UBE2G1: variants seen among roughly 807,000 people sequenced by gnomAD.
UBE2G1 encodes ubiquitin-conjugating enzyme E2 G1.
UBE2G1 carries 5 observed loss-of-function variants against 22.7 expected under a neutral mutation model. The observed-to-expected ratio is 0.22, with a 90% CI of 0.12 to 0.46. The LOEUF (loss-of-function observed/expected upper bound fraction) is 0.46. Ranked by LOEUF, UBE2G1 falls within the 20% of genes least tolerant of loss-of-function variation. The probability of loss-of-function intolerance (pLI) is 0.99; values close to 1 mark genes in which losing one functional copy is unlikely to be tolerated. For synonymous variants in UBE2G1, 74 were observed against 67.5 expected, an observed-to-expected ratio of 1.10 and a Z score of -0.47; for missense variants, 88 against 203.9, an observed-to-expected ratio of 0.43 and a Z score of 3.46.
chr17:4,323,472 AG>A (rs1969467597), intron 1 of UBE2G1, among the ~76,000 whole-genome samples: 1 of 152,262 alleles, frequency 6.6e-6, no homozygotes. Flanking sequence ...TGAATTAATC[AG>A]ATAAGAAACT....
chr17:4,297,119 C>T (rs771303944), intron 2 of UBE2G1, among the ~76,000 whole-genome samples: 7 of 152,184 alleles, frequency 4.6e-5, no homozygotes, highest in African/African-American at 1.7e-4. Context: ...CTTCCCAGTG[C>T]ACTTAAAACA....
chr17:4,307,142 T>C lies in UBE2G1; in HGVS notation c.47-19A>G, dbSNP rs764745148. ...TTGAGTTCTGTGGAAAAAGAAAAGT[T>C]TAATCAATACATTTAAGCACATAAT... On this transcript the variant is annotated intron_variant, in intron 1 of 5. Transcript: ENST00000396981. 1.9e-6 allele frequency: 3 copies of C among 1,597,384 alleles called. No individual in the cohort carries two copies. The South Asian group carries it at 3.3e-5, about 18-fold the overall frequency.
chr17:4,363,246 G>A (rs904847414), intron 1 of UBE2G1, among the ~76,000 whole-genome samples: 1 of 151,912 alleles, frequency 6.6e-6, no homozygotes, highest in African/African-American at 2.4e-5. Context: ...TACATTTTGA[G>A]CATGTTAATT....
At chr17:4,276,428 G>A (rs1465301098) in intron 5 of UBE2G1, among the ~76,000 whole-genome samples, 1 of 152,088 alleles carries the variant, frequency 6.6e-6, no homozygotes, top group East Asian at 1.9e-4. Context: ...CAAAGTGCTG[G>A]GATTACAGGC....
chr17:4,294,866 G>T (rs182931989), intron 3 of UBE2G1, among the ~76,000 whole-genome samples: 1 of 152,206 alleles, frequency 6.6e-6, no homozygotes, highest in African/African-American at 2.4e-5. Flanking sequence ...TCATGCCATT[G>T]CACTGCAGCC....
At chr17:4,291,219 C>T (rs1247097541) in intron 3 of UBE2G1, among the ~76,000 whole-genome samples, 1 of 152,014 alleles carries the variant, frequency 6.6e-6, no homozygotes, top group African/African-American at 2.4e-5. Context: ...AATTAGCTGG[C>T]TGTTGTGGCA....
At chr17:4,291,425 CAT>C (rs1969040031) in intron 3 of UBE2G1, among the ~76,000 whole-genome samples, 1 of 149,282 alleles carries the variant, frequency 6.7e-6, no homozygotes, top group African/African-American at 2.5e-5. Flanking sequence ...ATAAAAATTT[CAT>C]AGAGTATTAC....
intron 5 of UBE2G1, among the ~76,000 whole-genome samples, chr17:4,280,724 G>A (rs1049462305): frequency 2.0e-5 from 3 of 146,742 alleles, no homozygotes; most frequent in East Asian, 2.0e-4. Context: ...CGCAACCTCC[G>A]CCTCCCGGGT....
intron 1 of UBE2G1, among the ~76,000 whole-genome samples, chr17:4,317,735 G>A (rs1035441575): frequency 9.2e-5 from 14 of 152,156 alleles, no homozygotes; most frequent in Non-Finnish European, 1.9e-4. Flanking sequence ...ATTTCACCCT[G>A]CTTATCACAG....
At chr17:4,306,970 C>A in intron 2 of UBE2G1, 51 bp downstream of exon 2, 1 of 1,532,772 alleles carries the variant, frequency 6.5e-7, no homozygotes, top group South Asian at 1.1e-5. Context: ...GTTTTTAATT[C>A]AGTGTATTAA....
chr17:4,363,860 G>C (rs1224079820), intron 1 of UBE2G1, among the ~76,000 whole-genome samples: 1 of 149,854 alleles, frequency 6.7e-6, no homozygotes, highest in Non-Finnish European at 1.5e-5. Flanking sequence ...GCTCAGGCAG[G>C]GGAATGGCGT....
At chr17:4,330,155 A>C (rs1391909190) in intron 1 of UBE2G1, among the ~76,000 whole-genome samples, 1 of 152,152 alleles carries the variant, frequency 6.6e-6, no homozygotes, top group Non-Finnish European at 1.5e-5. Context: ...CATTCATGGA[A>C]GTGTCTAACA....
chr17:4,347,184 G>C (rs1200865932), intron 1 of UBE2G1, among the ~76,000 whole-genome samples: 1 of 151,994 alleles, frequency 6.6e-6, no homozygotes, highest in African/African-American at 2.4e-5. Flanking sequence ...CACAGGTTGA[G>C]TATCCCTTAT....
intron 3 of UBE2G1, among the ~76,000 whole-genome samples, chr17:4,295,807 G>A (rs1330429868): frequency 6.7e-6 from 1 of 150,128 alleles, no homozygotes; most frequent in Non-Finnish European, 1.5e-5. Flanking sequence ...AGTTATTGGG[G>A]GCTTATATAC....
intron 1 of UBE2G1, among the ~76,000 whole-genome samples, chr17:4,364,670 C>CAAGCA (rs1970012176): frequency 1.3e-5 from 2 of 151,674 alleles, no homozygotes; most frequent in Non-Finnish European, 2.9e-5. Flanking sequence ...AACGATGCCT[C>CAAGCA]CCGCGTTCAA....
At chr17:4,302,729 G>T in intron 2 of UBE2G1, 1 of 215,134 alleles carries the variant, frequency 4.6e-6, no homozygotes, top group African/African-American at 2.3e-5. Context: ...ATGAGAATGG[G>T]CTTTTGCACA....
At chr17:4,297,100 C>T (rs529759917) in intron 2 of UBE2G1, among the ~76,000 whole-genome samples, 1 of 152,184 alleles carries the variant, frequency 6.6e-6, no homozygotes. Flanking sequence ...GCTACAAACC[C>T]TTCCATCACT....
At chr17:4,339,346 C>T (rs1304897623) in intron 1 of UBE2G1, among the ~76,000 whole-genome samples, 1 of 151,790 alleles carries the variant, frequency 6.6e-6, no homozygotes, top group Non-Finnish European at 1.5e-5. Flanking sequence ...CTCTTGTTGC[C>T]CAGGCTGGAG....
At chr17:4,305,625 T>A (rs1174234978) in intron 2 of UBE2G1, among the ~76,000 whole-genome samples, 1 of 152,204 alleles carries the variant, frequency 6.6e-6, no homozygotes, top group African/African-American at 2.4e-5. Context: ...CACTGCAACC[T>A]CCACCTCCCG....
Sources: allele counts gnomAD v4.1 joint callset (sites outside exome capture counted in the v4.1 genomes callset), GRCh38; gene constraint gnomAD v4.1.1; transcripts MANE v1.5; gene names NCBI Gene and HGNC (gene_info 2026-07-23, HGNC 2026-07-21).